MUC5AC: variants seen among roughly 807,000 people sequenced by gnomAD.
The protein encoded by MUC5AC is mucin-5AC.
A neutral mutation model predicts 169.7 loss-of-function variants in MUC5AC; 158 were observed. That is an observed-to-expected ratio of 0.93 (90% CI 0.82 to 1.06). The LOEUF (loss-of-function observed/expected upper bound fraction) is 1.06, where lower values mean the gene tolerates loss of function less well. Among genes scored for constraint, MUC5AC ranks in the 50% least tolerant of loss-of-function variants. The probability of loss-of-function intolerance (pLI) is 0.00; values close to 1 mark genes in which losing one functional copy is unlikely to be tolerated. For synonymous variants in MUC5AC, 1,975 were observed against 1,237.0 expected (o/e 1.60, Z -12.52); for missense variants, 4,359 against 3,089.9 (o/e 1.41, Z -9.74).
chr11:1,162,105 T>G lies in MUC5AC; in HGVS notation c.410T>G (p.Leu137Arg), dbSNP rs754784409. The change falls in exon 4 of 49, where the codon CTC (leucine) becomes CGC (arginine). Residue 137 changes from leucine to arginine, a missense_variant. Physicochemically the swap from Leu to Arg is moderately radical, Grantham distance 102. Coordinates refer to ENST00000621226, the MANE Select transcript of MUC5AC (RefSeq NM_001304359.2). ...ESAAPTLSRV[L>R]MKVDGVVIQL... ...GCGGCCCCCACGCTGAGCAGGGTCC[T>G]CATGAAGGTGGATGGCGTGGTCATC... 1 of 1,612,664 alleles carries G rather than the reference T, an allele frequency of 6.2e-7. No homozygotes were observed. Among genetic ancestry groups the G allele is most frequent in the Non-Finnish European group, 8.5e-7 (1 of 1,179,842 alleles).
chr11:1,161,913 A>G lies in MUC5AC; in HGVS notation c.218A>G (p.Asn73Ser), dbSNP rs781032812. The change falls in exon 4 of 49, where the codon AAC becomes AGC. Residue 73 changes from asparagine to serine, a missense_variant. By Grantham distance (46) the Asn-to-Ser change is conservative. Coordinates refer to ENST00000621226, the MANE Select transcript of MUC5AC (RefSeq NM_001304359.2). ...CATGCTGCTTCCACCGCAGCCTCCA[A>G]CCCGGCGCACAACGGGCGGGTGTGC... ...LRTIPVVRAS[N>S]PAHNGRVCST... 2 of 1,611,314 alleles carry G rather than the reference A, an allele frequency of 1.2e-6. No individual in the cohort carries two copies. Among genetic ancestry groups the G allele is most frequent in the Non-Finnish European group, 1.7e-6 (2 of 1,179,442 alleles).
chr11:1,174,053 A>G (rs1860617662), intron 16 of MUC5AC, among the ~76,000 whole-genome samples: 2 of 152,190 alleles, frequency 1.3e-5, no homozygotes, highest in Non-Finnish European at 2.9e-5. Flanking sequence ...TCACTCACTT[A>G]TTCCCTCATT....
chr11:1,190,320 G>C lies in MUC5AC; in HGVS notation c.12175G>C (p.Val4059Leu). Residue 4059 changes from valine to leucine, a missense_variant, in exon 31 of 49, where the codon GTG becomes CTG. Transcript: ENST00000621226. ...CTGCGAGACCCCCAAAGGCTGCCCC[G>C]TGACCTCCACACCTGTGACAGCTCC... is the stretch of plus-strand genomic sequence containing the variant. ...LCCETPKGCP[V>L]TSTPVTAPST... is the part of the protein sequence containing the mutation. 1.5e-6 allele frequency: 1 copy of C among 674,158 alleles called. No homozygotes were observed. Among genetic ancestry groups the C allele is most frequent in the South Asian group, 1.7e-5 (1 of 60,296 alleles). The allele number at this position is 674,158 out of a possible 1,614,324, so 41.8% of individuals were successfully genotyped here. A position where few individuals can be genotyped will look rare whatever the true frequency, so the allele number is the denominator to read the frequency against.
In MUC5AC at chr11:1,187,364, CACCAGCACAACCTCTGCTCCTACA is replaced by C; in HGVS notation, c.9237_9260del (p.Pro3080_Ala3087del). The C allele has an allele frequency of 2.7e-6, 2 of 743,712 alleles. No individual in the cohort carries two copies. The highest frequency in any genetic ancestry group is 1.4e-5 in the South Asian group (1 of 71,582). 46.1% of individuals were successfully genotyped at this position (743,712 alleles called of 1,614,324 possible). A position where few individuals can be genotyped will look rare whatever the true frequency, so the allele number is the denominator to read the frequency against. ...GAACTACCCCAAGCCCTGTTCCCAC[CACCAGCACAACCTCTGCTCCTACA>C]ACCAGCACAACCTCTGCCGCTACAA... On this transcript the variant is annotated inframe_deletion, in exon 31 of 49. Coordinates refer to ENST00000621226, the MANE Select transcript of MUC5AC (RefSeq NM_001304359.2).
rs532450807 is a variant in MUC5AC, at chr11:1,194,357, C to T, written c.15003C>T (p.Asn5001=). 4.4e-5 allele frequency: 32 copies of T among 725,360 alleles called. No homozygotes were observed. Among genetic ancestry groups the T allele is most frequent in the African/African-American group, 2.4e-4 (14 of 58,228 alleles). The allele number at this position is 725,360 out of a possible 1,614,324, so 44.9% of individuals were successfully genotyped here. ...TRKPVHGVMT[N]EIIFNNKVVS... ...AGCCAGTCCACGGGGTGATGACAAA[C>T]GAGGTGGGGGCGCGCCCGGTGTGCC... Residue 5001 remains asparagine (N), a synonymous_variant, in exon 34 of 49, where the codon AAC becomes AAT. Coordinates refer to ENST00000621226, the MANE Select transcript of MUC5AC (RefSeq NM_001304359.2).
Position 1,173,221 on chromosome 11 carries a change from C to T in MUC5AC, c.1965+698C>T, listed in dbSNP as rs994869936. On this transcript the variant is annotated intron_variant, in intron 16 of 48. Transcript: ENST00000621226. Reference sequence around the variant, plus strand: ...GCTCACTCATTTACTCACTCATTCACGAATTTCTTCACTCATTTACTCATT... The same window carrying T: ...GCTCACTCATTTACTCACTCATTCATGAATTTCTTCACTCATTTACTCATT... Among the ~76,000 whole-genome samples the T allele has an allele frequency of 2.0e-5, 3 of 151,406 alleles. No homozygotes were observed. In the East Asian group the frequency reaches 5.9e-4, roughly 30 times the overall value.
intron 48 of MUC5AC, among the ~76,000 whole-genome samples, chr11:1,200,215 GC>G (rs1384403663): frequency 1.3e-5 from 2 of 152,236 alleles, no homozygotes; most frequent in African/African-American, 2.4e-5. Flanking sequence ...TGCCGCAGCC[GC>G]CCCGAGTCTC....
chr11:1,190,199 G>T lies in MUC5AC; in HGVS notation c.12054G>T (p.Val4018=), dbSNP rs1437021540. 88 of 763,408 alleles carry T rather than the reference G, an allele frequency of 1.2e-4. No homozygotes were observed. Among genetic ancestry groups the T allele is most frequent in the Non-Finnish European group, 1.9e-4 (78 of 417,216 alleles). The allele number at this position is 763,408 out of a possible 1,614,324, so 47.3% of individuals were successfully genotyped here. A position where few individuals can be genotyped will look rare whatever the true frequency, so the allele number is the denominator to read the frequency against. Residue 4018 remains valine (V), a synonymous_variant, in exon 31 of 49, where the codon GTG becomes GTT. Transcript: ENST00000621226. ...PEVSIEHLGQ[V]VQCSREEGLV... Reference sequence around the variant, plus strand: ...TGAGCATCGAACACCTGGGCCAGGTGGTGCAGTGCAGCCGGGAAGAGGGCC... The same window carrying T: ...TGAGCATCGAACACCTGGGCCAGGTTGTGCAGTGCAGCCGGGAAGAGGGCC...
chr11:1,176,597 C>T lies in MUC5AC; in HGVS notation c.2586C>T (p.Asp862=). 2.5e-6 allele frequency: 1 copy of T among 399,580 alleles called. No homozygotes were observed. Among genetic ancestry groups the T allele is most frequent in the Non-Finnish European group, 4.4e-6 (1 of 226,806 alleles). 24.8% of individuals were successfully genotyped at this position (399,580 alleles called of 1,614,324 possible). ...AGGGCGGCTGCATCACTGCGGAGGA[C>T]TGCCCCTGCGTGCACAATGAGGCCA... ...DGEGGCITAE[D]CPCVHNEASY... Residue 862 remains aspartate (D), a synonymous_variant, in exon 21 of 49, where the codon GAC becomes GAT. Coordinates refer to ENST00000621226, the MANE Select transcript of MUC5AC (RefSeq NM_001304359.2).
chr11:1,186,473 T>G lies in MUC5AC; in HGVS notation c.8328T>G (p.Thr2776=). ...SATTTSTTSA[T]TTSTISAPTT... is the part of the protein sequence containing the mutation. ...CTACAACCAGCACAACCTCTGCTAC[T>G]ACAACCAGCACAATCTCTGCCCCTA... The change falls in exon 31 of 49, where the codon ACT becomes ACG. Residue 2776 remains threonine, a synonymous_variant. Coordinates refer to ENST00000621226, the MANE Select transcript of MUC5AC (RefSeq NM_001304359.2). 1 of 696,556 alleles carries G rather than the reference T, an allele frequency of 1.4e-6. No individual in the cohort carries two copies. The highest frequency in any genetic ancestry group is 2.6e-6 in the Non-Finnish European group (1 of 381,674). The allele number at this position is 696,556 out of a possible 1,614,324, so 43.1% of individuals were successfully genotyped here.
chr11:1,162,955 C>T lies in MUC5AC; in HGVS notation c.589C>T (p.Leu197=). ...LMWNHDDSLL[L]ELDTKYANKT... ...GTGTCTGATGTCTCTCCCTTTGCAG[C>T]TGGAGCTGGACACCAAATACGCCAA... Residue 197 remains leucine (L), a splice_region_variant and synonymous_variant, in exon 6 of 49, where the codon CTG becomes TTG. Transcript: ENST00000621226. 1 of 1,612,502 alleles carries T rather than the reference C, an allele frequency of 6.2e-7. No individual in the cohort carries two copies. Among genetic ancestry groups the T allele is most frequent in the African/African-American group, 1.3e-5 (1 of 75,066 alleles).
chr11:1,198,747 C>T (rs765587893), intron 43 of MUC5AC, 127 bp from the exon 44 acceptor site: 38 of 634,128 alleles, frequency 6.0e-5, no homozygotes, highest in Non-Finnish European at 8.3e-5. Context: ...GGGTGCAACT[C>T]GGCCTGGTAG....
intron 2 of MUC5AC, 65 bp from the exon 3 acceptor site, chr11:1,161,462 C>G: frequency 7.3e-7 from 1 of 1,362,996 alleles, no homozygotes; most frequent in East Asian, 2.5e-5. Context: ...AACGTCTCCT[C>G]TGGCTGCGGA....
intron 28 of MUC5AC, among the ~76,000 whole-genome samples, 164 bp downstream of exon 28, chr11:1,180,680 C>A (rs1860796412): frequency 6.6e-6 from 1 of 152,146 alleles, no homozygotes; most frequent in African/African-American, 2.4e-5. Context: ...ACATCAGCTT[C>A]TCAGGGACCA....
chr11:1,185,198 T>A lies in MUC5AC; in HGVS notation c.7053T>A (p.Val2351=). 1 of 732,222 alleles carries A rather than the reference T, an allele frequency of 1.4e-6. No individual in the cohort carries two copies. The allele number at this position is 732,222 out of a possible 1,614,324, so 45.4% of individuals were successfully genotyped here. A position where few individuals can be genotyped will look rare whatever the true frequency, so the allele number is the denominator to read the frequency against. The change falls in exon 31 of 49, where the codon GTT becomes GTA. Residue 2351 remains valine (V), a synonymous_variant. Transcript: ENST00000621226. ...GTCCTGGAACTACTCCCAGCCCTGT[T>A]CCTACCACCAGCATAACCTCTGCCC... ...TSGPGTTPSP[V]PTTSITSAPT...
In MUC5AC at chr11:1,163,969, C is replaced by G; in HGVS notation, c.767C>G (p.Pro256Arg). 1.2e-6 allele frequency: 2 copies of G among 1,610,922 alleles called. No homozygotes were observed. Among genetic ancestry groups the G allele is most frequent in the Non-Finnish European group, 8.5e-7 (1 of 1,179,188 alleles). ...DQCQDPVPEP[P>R]RNCSTGFGIC... is the part of the protein sequence containing the mutation. The stretch of plus-strand genomic sequence containing the variant: ...TGTCAGGACCCTGTCCCTGAACCCC[C>G]GAGGAACTGCTCCACTGGCTTTGTA... The change falls in exon 7 of 49, where the codon CCG (proline) becomes CGG (arginine). Residue 256 changes from proline (P) to arginine (R), a missense_variant. Pro to Arg is a moderately radical substitution (Grantham distance 103). Coordinates refer to ENST00000621226, the MANE Select transcript of MUC5AC (RefSeq NM_001304359.2).
chr11:1,175,080 A>ACCACAGAGGCTCCATGATCCCCAATGG lies in MUC5AC; in HGVS notation c.2292_2318dup (p.His765_Gly773dup), dbSNP rs2133741759. Reference sequence around the variant, plus strand: ...GTGCAGGCCAGCAACTGTCCCTGCTACCACAGAGGCTCCATGATCCCCAAT... The same window carrying ACCACAGAGGCTCCATGATCCCCAATGG: ...GTGCAGGCCAGCAACTGTCCCTGCTACCACAGAGGCTCCATGATCCCCAATGGCCACAGAGGCTCCATGATCCCCAAT... On this transcript the variant is annotated inframe_insertion, in exon 18 of 49. Transcript: ENST00000621226. The ACCACAGAGGCTCCATGATCCCCAATGG allele has an allele frequency of 5.0e-6, 2 of 399,454 alleles. No homozygotes were observed. Among genetic ancestry groups the ACCACAGAGGCTCCATGATCCCCAATGG allele is most frequent in the Non-Finnish European group, 8.8e-6 (2 of 226,582 alleles). The allele number at this position is 399,454 out of a possible 1,614,324, so 24.7% of individuals were successfully genotyped here. A position where few individuals can be genotyped will look rare whatever the true frequency, so the allele number is the denominator to read the frequency against.
Position 1,191,125 on chromosome 11 carries a change from C to G in MUC5AC, c.12980C>G (p.Thr4327Ser), listed in dbSNP as rs1861084695. The G allele has an allele frequency of 4.3e-6, 3 of 699,508 alleles. No individual in the cohort carries two copies. Among genetic ancestry groups the G allele is most frequent in the Admixed American group, 1.8e-5 (1 of 56,472 alleles). 43.3% of individuals were successfully genotyped at this position (699,508 alleles called of 1,614,324 possible). A position where few individuals can be genotyped will look rare whatever the true frequency, so the allele number is the denominator to read the frequency against. Residue 4327 changes from threonine to serine, a missense_variant, in exon 31 of 49, where the codon ACC (threonine) becomes AGC (serine). Coordinates refer to ENST00000621226, the MANE Select transcript of MUC5AC (RefSeq NM_001304359.2). ...ACTACTCCCAGCCCTGTTCCCACCA[C>G]CAGCACAACCTCTGCTCCTATAACC... ...PGTTPSPVPT[T>S]STTSAPITST...
chr11:1,175,999 C>A (rs1860676052), intron 19 of MUC5AC, among the ~76,000 whole-genome samples, 152 bp from the exon 20 acceptor site: 1 of 151,910 alleles, frequency 6.6e-6, no homozygotes, highest in African/African-American at 2.4e-5. Flanking sequence ...GACACGCTCA[C>A]ACACCCACTC....
Sources: gnomAD v4.1 joint callset for allele counts (sites outside exome capture counted in the v4.1 genomes callset) on GRCh38, gnomAD v4.1.1 for gene constraint, MANE v1.5 for transcripts, NCBI Gene and HGNC (gene_info 2026-07-23, HGNC 2026-07-21) for gene names.